Variants in ZFPM2 observed in about 807,000 individuals in gnomAD.
ZFPM2 encodes the protein zinc finger protein ZFPM2.
A neutral mutation model predicts 98.6 loss-of-function variants in ZFPM2; 20 were observed. The observed-to-expected ratio is 0.20, with a 90% CI of 0.14 to 0.29. The LOEUF (loss-of-function observed/expected upper bound fraction) is 0.29, where lower values mean the gene tolerates loss of function less well. Among genes scored for constraint, ZFPM2 ranks in the 10% least tolerant of loss-of-function variants. The probability of loss-of-function intolerance (pLI) is 1.00; values close to 1 mark genes in which losing one functional copy is unlikely to be tolerated. For missense variants in ZFPM2, 1,310 were observed against 1,388.6 expected, an observed-to-expected ratio of 0.94 and a Z score of 0.90; for synonymous variants, 518 against 502.7, an observed-to-expected ratio of 1.03 and a Z score of -0.41.
At chr8:105,539,262 T>A (rs1814525902) in intron 3 of ZFPM2, among the ~76,000 whole-genome samples, 1 of 152,158 alleles carries the variant, frequency 6.6e-6, no homozygotes, top group Admixed American at 6.6e-5. Flanking sequence ...TTACATTTTG[T>A]TGAGACACCA....
At chr8:105,580,510 A>T (rs1217484558) in intron 4 of ZFPM2, among the ~76,000 whole-genome samples, 1 of 152,026 alleles carries the variant, frequency 6.6e-6, no homozygotes, top group Non-Finnish European at 1.5e-5. Context: ...TTGATGATGG[A>T]ACCAGTTTGA....
intron 5 of ZFPM2, among the ~76,000 whole-genome samples, chr8:105,651,038 C>G (rs913394948): frequency 6.6e-6 from 1 of 152,156 alleles, no homozygotes; most frequent in Non-Finnish European, 1.5e-5. Flanking sequence ...GTGACTCTTA[C>G]AGGTCTCCTG....
intron 2 of ZFPM2, among the ~76,000 whole-genome samples, chr8:105,437,242 T>C (rs906828372): frequency 6.6e-6 from 1 of 152,204 alleles, no homozygotes; most frequent in African/African-American, 2.4e-5. Context: ...ACTACTATTG[T>C]AGTGCTTCTT....
rs1308280056 is a variant in ZFPM2 at position 105,706,061 on chromosome 8, T to C, written c.532+71704T>C. Among the ~76,000 whole-genome samples, 9 of 152,234 alleles carry C rather than the reference T, an allele frequency of 5.9e-5. No individual in the cohort carries two copies. In the East Asian group the frequency reaches 1.5e-3, roughly 26 times the overall value. ...CACAGCATTCCCAGGCATGTGAGTGTATATATATTTATCCCCATTTTATTG... is the reference window on the plus strand; with the variant it reads ...CACAGCATTCCCAGGCATGTGAGTGCATATATATTTATCCCCATTTTATTG... On this transcript the variant is annotated intron_variant, in intron 5 of 7. Transcript: ENST00000407775.
chr8:105,421,275 A>G (rs1314362929), intron 2 of ZFPM2, among the ~76,000 whole-genome samples: 3 of 152,094 alleles, frequency 2.0e-5, no homozygotes, highest in African/African-American at 7.2e-5. Context: ...AAAATGTTTA[A>G]TGTCAGATGT....
chr8:105,631,864 GA>G (rs1199269512), intron 4 of ZFPM2, among the ~76,000 whole-genome samples: 1 of 152,060 alleles, frequency 6.6e-6, no homozygotes, highest in East Asian at 1.9e-4. Flanking sequence ...TATTATCTAT[GA>G]AATTATTATA....
rs1053951916 is a variant in ZFPM2, at chr8:105,784,960, T to C, written c.533-3758T>C. ...ATAAAGAAGTCCAACCCTTGATTTT[T>C]GTGGTGCCATTCTTTTGATTTCCCT... is the stretch of plus-strand genomic sequence containing the variant. On this transcript the variant is annotated intron_variant, in intron 5 of 7. Coordinates refer to ENST00000407775, the MANE Select transcript of ZFPM2 (RefSeq NM_012082.4). 1.2e-4 allele frequency: 17 copies of C among 145,766 alleles called. 3 individuals are homozygous for C. Among genetic ancestry groups the C allele is most frequent in the Admixed American group, 1.1e-3 (17 of 15,070 alleles). 9.0% of individuals were successfully genotyped at this position (145,766 alleles called of 1,614,324 possible).
chr8:105,780,606 G>A (rs117030865), intron 5 of ZFPM2: 2,762 of 152,354 alleles, frequency 0.018, 43 homozygotes, highest in Non-Finnish European at 0.026. Flanking sequence ...GTTTCGCCGG[G>A]CGCGGTGGCT....
At chr8:105,478,197 C>G (rs542215138) in intron 3 of ZFPM2, among the ~76,000 whole-genome samples, 2 of 152,122 alleles carry the variant, frequency 1.3e-5, no homozygotes, top group Non-Finnish European at 2.9e-5. Context: ...CATCCAGCCC[C>G]GATACTTTCT....
chr8:105,583,301 A>AT (rs1324238289), intron 4 of ZFPM2, among the ~76,000 whole-genome samples: 1 of 152,128 alleles, frequency 6.6e-6, no homozygotes, highest in Admixed American at 6.5e-5. Flanking sequence ...TATTGTTTAT[A>AT]TATCATTTTG....
intron 3 of ZFPM2, among the ~76,000 whole-genome samples, chr8:105,482,282 T>C (rs1225170048): frequency 1.3e-5 from 2 of 152,208 alleles, no homozygotes; most frequent in Admixed American, 6.5e-5. Flanking sequence ...ATAATTCTGT[T>C]TACTCTGATA....
intron 5 of ZFPM2, among the ~76,000 whole-genome samples, chr8:105,681,165 G>A (rs1194170868): frequency 6.6e-6 from 1 of 152,146 alleles, no homozygotes; most frequent in Non-Finnish European, 1.5e-5. Context: ...TTATTATGAA[G>A]ATAGGGTTAT....
intron 6 of ZFPM2, among the ~76,000 whole-genome samples, chr8:105,792,181 T>G (rs1813635465): frequency 6.6e-6 from 1 of 152,218 alleles, no homozygotes; most frequent in South Asian, 2.1e-4. Flanking sequence ...ATTGTGATGT[T>G]AGAGTGTCAA....
At chr8:105,478,972 A>G (rs1813064924) in intron 3 of ZFPM2, among the ~76,000 whole-genome samples, 1 of 152,286 alleles carries the variant, frequency 6.6e-6, no homozygotes, top group East Asian at 1.9e-4. Flanking sequence ...ATGAATTTTT[A>G]TTTATTTTCT....
At chr8:105,358,041 G>A (rs1346707792) in intron 1 of ZFPM2, among the ~76,000 whole-genome samples, 1 of 152,168 alleles carries the variant, frequency 6.6e-6, no homozygotes, top group African/African-American at 2.4e-5. Flanking sequence ...GGATTCAGCT[G>A]TTCTTTACTT....
At chr8:105,512,483 A>G (rs1268774143) in intron 3 of ZFPM2, among the ~76,000 whole-genome samples, 1 of 152,208 alleles carries the variant, frequency 6.6e-6, no homozygotes, top group African/African-American at 2.4e-5. Flanking sequence ...TATAGTAGTC[A>G]TAATGTAAAA....
chr8:105,530,522 T>A (rs931524831), intron 3 of ZFPM2, among the ~76,000 whole-genome samples: 4 of 152,160 alleles, frequency 2.6e-5, no homozygotes, highest in African/African-American at 9.7e-5. Context: ...TCTTCCTGAC[T>A]TGCAAATGGC....
chr8:105,528,002 A>G (rs545980937), intron 3 of ZFPM2, among the ~76,000 whole-genome samples: 5 of 152,248 alleles, frequency 3.3e-5, no homozygotes, highest in Non-Finnish European at 7.4e-5. Flanking sequence ...GTTGACAAAG[A>G]TAGATAGGAT....
chr8:105,693,436 A>G (rs1337752073), intron 5 of ZFPM2, among the ~76,000 whole-genome samples: 1 of 152,172 alleles, frequency 6.6e-6, no homozygotes, highest in African/African-American at 2.4e-5. Context: ...TGAAGTTGTT[A>G]ATGCTGAGGT....
Sources: allele counts gnomAD v4.1 joint callset (sites outside exome capture counted in the v4.1 genomes callset), GRCh38; gene constraint gnomAD v4.1.1; transcripts MANE v1.5; gene names NCBI Gene and HGNC (gene_info 2026-07-23, HGNC 2026-07-21).